The following GPC6 variants were observed in gnomAD, a reference collection of about 807,000 sequenced individuals.
GPC6 encodes the protein glypican-6.
In GPC6, 14 loss-of-function variants were observed where a neutral mutation model predicts 55.2. That is an observed-to-expected ratio of 0.25 (90% CI 0.17 to 0.40). The LOEUF (loss-of-function observed/expected upper bound fraction) is 0.40, where lower values mean the gene tolerates loss of function less well. GPC6 is among the 10% of genes least tolerant of loss of function. The pLI is 1.00. For missense variants in GPC6, 641 were observed against 708.5 expected, an observed-to-expected ratio of 0.90 and a Z score of 1.08; for synonymous variants, 278 against 259.6, an observed-to-expected ratio of 1.07 and a Z score of -0.68.
chr13:93,467,021 TG>T (rs1256772172), intron 1 of GPC6, among the ~76,000 whole-genome samples: 2 of 152,228 alleles, frequency 1.3e-5, no homozygotes, highest in African/African-American at 4.8e-5. Context: ...GATACATAGT[TG>T]TCAAGATGCA....
At chr13:94,295,825 CT>C (rs1268486992) in intron 5 of GPC6, among the ~76,000 whole-genome samples, 1 of 152,036 alleles carries the variant, frequency 6.6e-6, no homozygotes, top group African/African-American at 2.4e-5. Flanking sequence ...GCTTTACATT[CT>C]ATTTCTACTT....
chr13:94,254,683 A>C (rs1178777751), intron 4 of GPC6, among the ~76,000 whole-genome samples: 3 of 152,182 alleles, frequency 2.0e-5, no homozygotes, highest in Admixed American at 6.5e-5. Context: ...TAAAGAAAAA[A>C]AAACATGTAA....
Position 93,957,886 on chromosome 13 carries a change from A to G in GPC6, c.712-69843A>G, listed in dbSNP as rs552626654. Among the ~76,000 whole-genome samples, 46 of 152,042 alleles carry G rather than the reference A, an allele frequency of 3.0e-4. 1 individual carries two copies. The highest frequency in any genetic ancestry group is 5.7e-4 in the Non-Finnish European group (39 of 67,948). ...ATCTGTGCAGCCTCAATTATATTTG[A>G]GTTTTTAATAATAGCCATTTTGACC... On this transcript the variant is annotated intron_variant, in intron 3 of 8. Coordinates refer to ENST00000377047, the MANE Select transcript of GPC6 (RefSeq NM_005708.5).
chr13:93,503,891 A>G (rs569082862), intron 1 of GPC6, among the ~76,000 whole-genome samples: 1 of 152,298 alleles, frequency 6.6e-6, no homozygotes, highest in African/African-American at 2.4e-5. Context: ...TTTAGACAAT[A>G]TGAGATATAG....
rs1880094360 is a variant in GPC6 at position 93,967,336 on chromosome 13, C to T, written c.712-60393C>T. Among the ~76,000 whole-genome samples the T allele has an allele frequency of 5.3e-5, 8 of 152,064 alleles. No individual in the cohort carries two copies. In the South Asian group the frequency reaches 1.7e-3, roughly 32 times the overall value. Reference sequence around the variant, plus strand: ...TATACTATGATTAAAGTATTTGCCACGATGTACAAAAGTAGTAGTTTCAAT... The same window carrying T: ...TATACTATGATTAAAGTATTTGCCATGATGTACAAAAGTAGTAGTTTCAAT... On this transcript the variant is annotated intron_variant, in intron 3 of 8. Coordinates refer to ENST00000377047, the MANE Select transcript of GPC6 (RefSeq NM_005708.5).
rs576477652 is a variant in GPC6, at chr13:93,774,121, C to T, written c.320-56033C>T. ...AGAAAAGTCACCACATTCAGGGACA[C>T]TCAAAACTATGAAGACTGTTCCAGA... is the stretch of plus-strand genomic sequence containing the variant. On this transcript the variant is annotated intron_variant, in intron 2 of 8. Coordinates refer to ENST00000377047, the MANE Select transcript of GPC6 (RefSeq NM_005708.5). Among the ~76,000 whole-genome samples the T allele has an allele frequency of 3.3e-5, 5 of 152,286 alleles. No homozygotes were observed. In the East Asian group the frequency reaches 5.8e-4, roughly 18 times the overall value.
At chr13:93,919,667 G>C (rs142428038) in intron 3 of GPC6, among the ~76,000 whole-genome samples, 1 of 152,202 alleles carries the variant, frequency 6.6e-6, no homozygotes, top group East Asian at 1.9e-4. Context: ...AAAATATGAA[G>C]TTATATATTG....
chr13:93,632,768 C>T (rs771760775), intron 2 of GPC6, among the ~76,000 whole-genome samples: 14 of 151,878 alleles, frequency 9.2e-5, no homozygotes, highest in African/African-American at 2.4e-5. Flanking sequence ...GTCTTTACCT[C>T]CCTCACAGGT....
chr13:93,768,511 C>T (rs955967972), intron 2 of GPC6, among the ~76,000 whole-genome samples: 6 of 152,134 alleles, frequency 3.9e-5, no homozygotes, highest in East Asian at 1.9e-4. Flanking sequence ...ACCGGCCACT[C>T]GGTAAATATG....
chr13:94,200,974 C>T (rs1323209615), intron 4 of GPC6, among the ~76,000 whole-genome samples: 1 of 152,190 alleles, frequency 6.6e-6, no homozygotes, highest in African/African-American at 2.4e-5. Context: ...GGCAGAAGCA[C>T]TTGGCAGTTG....
At chr13:93,653,340 T>C (rs1271200593) in intron 2 of GPC6, among the ~76,000 whole-genome samples, 1 of 152,208 alleles carries the variant, frequency 6.6e-6, no homozygotes, top group Non-Finnish European at 1.5e-5. Flanking sequence ...TTAAATTATA[T>C]TCTTCCTTAA....
chr13:93,903,364 T>G (rs1876468029), intron 3 of GPC6, among the ~76,000 whole-genome samples: 1 of 152,196 alleles, frequency 6.6e-6, no homozygotes, highest in Admixed American at 6.5e-5. Context: ...TAACCAGTAA[T>G]TTTTCTCCTT....
intron 2 of GPC6, among the ~76,000 whole-genome samples, chr13:93,774,546 T>A (rs1439960364): frequency 6.6e-6 from 1 of 152,146 alleles, no homozygotes; most frequent in Non-Finnish European, 1.5e-5. Flanking sequence ...TTAGTAAAAG[T>A]CGTGTATAAA....
intron 2 of GPC6, among the ~76,000 whole-genome samples, chr13:93,662,710 G>T (rs1028411646): frequency 6.6e-6 from 1 of 151,832 alleles, no homozygotes; most frequent in African/African-American, 2.4e-5. Flanking sequence ...GCTAGTTTGG[G>T]TATATTTTCC....
In GPC6 at chr13:93,502,735, CA is replaced by C. The variant is rs1880567783; in HGVS notation, c.161-42524del. 2.6e-5 allele frequency among the ~76,000 whole-genome samples: 4 copies of C among 152,144 alleles called. No homozygotes were observed. The South Asian group carries it at 8.3e-4, about 32-fold the overall frequency. ...TCTGCTTCTTAGTCTAGACAATCAG[CA>C]AAACAATAAACAAAGCCCTGATTTG... On this transcript the variant is annotated intron_variant, in intron 1 of 8. Transcript: ENST00000377047.
chr13:93,538,848 C>A (rs1335470860), intron 1 of GPC6, among the ~76,000 whole-genome samples: 2 of 152,076 alleles, frequency 1.3e-5, no homozygotes, highest in African/African-American at 2.4e-5. Flanking sequence ...TCACCATAAA[C>A]CATAACTCCA....
At chr13:94,004,686 C>G (rs1323339343) in intron 3 of GPC6, among the ~76,000 whole-genome samples, 1 of 152,092 alleles carries the variant, frequency 6.6e-6, no homozygotes, top group Non-Finnish European at 1.5e-5. Context: ...TCTTACTATG[C>G]CACAGTGTAA....
At chr13:93,987,171 G>A (rs867645871) in intron 3 of GPC6, among the ~76,000 whole-genome samples, 1 of 152,014 alleles carries the variant, frequency 6.6e-6, no homozygotes, top group East Asian at 1.9e-4. Flanking sequence ...CAATATCTAC[G>A]AACATATTTC....
intron 2 of GPC6, among the ~76,000 whole-genome samples, chr13:93,660,977 T>A (rs1175221258): frequency 3.3e-5 from 5 of 152,190 alleles, no homozygotes; most frequent in African/African-American, 1.2e-4. Context: ...GGAGGAAATA[T>A]AGAGCACAGT....
Sources: gnomAD v4.1 joint callset for allele counts (sites outside exome capture counted in the v4.1 genomes callset) on GRCh38, gnomAD v4.1.1 for gene constraint, MANE v1.5 for transcripts, NCBI Gene and HGNC (gene_info 2026-07-23, HGNC 2026-07-21) for gene names.